Variants in MYLK observed in about 807,000 individuals in gnomAD.
The protein encoded by MYLK is myosin light chain kinase, smooth muscle.
Under a neutral mutation model 203.4 loss-of-function variants are expected in MYLK, and 106 were observed. That is an observed-to-expected ratio of 0.52 (90% CI 0.45 to 0.61). The LOEUF is 0.61. MYLK is among the 20% of genes least tolerant of loss of function. The pLI, the probability that MYLK is intolerant of heterozygous loss-of-function variation, is 0.00. For missense variants in MYLK, 2,072 were observed against 2,442.3 expected (o/e 0.85, Z 3.20); for synonymous variants, 867 against 959.5 (o/e 0.90, Z 1.78).
chr3:123,775,252 C>T (rs1195818084), intron 4 of MYLK, among the ~76,000 whole-genome samples: 2 of 152,062 alleles, frequency 1.3e-5, no homozygotes, highest in African/African-American at 2.4e-5. Context: ...CTGGTGGTCT[C>T]GAACTGCTGG....
chr3:123,797,789 A>T (rs2065042350), intron 3 of MYLK, among the ~76,000 whole-genome samples: 1 of 152,232 alleles, frequency 6.6e-6, no homozygotes, highest in Non-Finnish European at 1.5e-5. Flanking sequence ...TTTGAACGAG[A>T]GTGTATGTAA....
At chr3:123,876,495 A>T (rs1392792466) in intron 2 of MYLK, 64 bp downstream of exon 2, 1 of 152,216 alleles carries the variant, frequency 6.6e-6, no homozygotes, top group Non-Finnish European at 1.5e-5. Flanking sequence ...AAGTGATACG[A>T]ATCTTAGTGG....
chr3:123,843,518 A>C (rs1374454811), intron 2 of MYLK, among the ~76,000 whole-genome samples: 1 of 152,232 alleles, frequency 6.6e-6, no homozygotes, highest in Non-Finnish European at 1.5e-5. Flanking sequence ...CTGGCTTTAC[A>C]GAAAACTCTG....
At chr3:123,686,032 C>T (rs1242024508) in intron 19 of MYLK, among the ~76,000 whole-genome samples, 2 of 152,178 alleles carry the variant, frequency 1.3e-5, no homozygotes, top group African/African-American at 2.4e-5. Context: ...GACCTCCATG[C>T]GAACTGCAGC....
intron 4 of MYLK, among the ~76,000 whole-genome samples, chr3:123,777,659 C>G (rs937103854): frequency 6.6e-6 from 1 of 152,212 alleles, no homozygotes; most frequent in African/African-American, 2.4e-5. Context: ...AGCTTGGGAA[C>G]TGGGCTGAGG....
intron 19 of MYLK, chr3:123,692,252 C>G (rs756094123): frequency 9.7e-7 from 1 of 1,029,280 alleles, no homozygotes; most frequent in Non-Finnish European, 1.2e-6. Context: ...CTGCCCTGTC[C>G]TCTCTGTCCA....
At chr3:123,737,048 G>C (rs765601381) in intron 8 of MYLK, among the ~76,000 whole-genome samples, 4 of 151,740 alleles carry the variant, frequency 2.6e-5, no homozygotes, top group Non-Finnish European at 5.9e-5. Flanking sequence ...GTAAAACCCT[G>C]TCTCTACAAA....
chr3:123,882,977 C>A (rs2033636268), intron 1 of MYLK, among the ~76,000 whole-genome samples: 1 of 152,130 alleles, frequency 6.6e-6, no homozygotes, highest in African/African-American at 2.4e-5. Context: ...CTTGTAGGAA[C>A]CTAGTAAAGT....
At chr3:123,843,427 G>A (rs1411792097) in intron 2 of MYLK, among the ~76,000 whole-genome samples, 2 of 152,148 alleles carry the variant, frequency 1.3e-5, no homozygotes, top group Non-Finnish European at 2.9e-5. Context: ...GAGCATCCAA[G>A]CTAGGGAGCA....
At chr3:123,765,082 C>T (rs559883151) in intron 4 of MYLK, among the ~76,000 whole-genome samples, 4 of 152,228 alleles carry the variant, frequency 2.6e-5, no homozygotes, top group Admixed American at 1.3e-4. Flanking sequence ...CAAGTATGGG[C>T]AAAGACGTGG....
intron 3 of MYLK, among the ~76,000 whole-genome samples, chr3:123,803,019 G>A (rs2065248161): frequency 6.6e-6 from 1 of 152,032 alleles, no homozygotes; most frequent in African/African-American, 2.4e-5. Flanking sequence ...TGAGGTGTGA[G>A]TACTCAGGTA....
At chr3:123,739,847 G>T in intron 6 of MYLK, 106 bp downstream of exon 6, 1 of 1,256,140 alleles carries the variant, frequency 8.0e-7, no homozygotes, top group Non-Finnish European at 1.2e-6. Context: ...CCGCCCTTTG[G>T]TTATTATAAC....
At chr3:123,662,148 A>T (rs1280891162) in intron 23 of MYLK, among the ~76,000 whole-genome samples, 1 of 152,186 alleles carries the variant, frequency 6.6e-6, no homozygotes, top group Non-Finnish European at 1.5e-5. Context: ...AAAGGCTTGC[A>T]TGTCTCCCCT....
Position 123,673,321 on chromosome 3 carries a change from G to A in MYLK, c.3653-6134C>T, listed in dbSNP as rs1362538052. On this transcript the variant is annotated intron_variant, in intron 20 of 33. Coordinates refer to ENST00000360304, the MANE Select transcript of MYLK (RefSeq NM_053025.4). ...TTTTTGTAGAGACTCACTATGTTGC[G>A]CAGGCTGGTCTCAAACTCCTGAGCT... Among the ~76,000 whole-genome samples, 4 of 151,644 alleles carry A rather than the reference G, an allele frequency of 2.6e-5. No individual in the cohort carries two copies. In the South Asian group the frequency reaches 6.3e-4, roughly 24 times the overall value.
At chr3:123,762,911 C>A (rs552948322) in intron 4 of MYLK, among the ~76,000 whole-genome samples, 59 of 152,330 alleles carry the variant, frequency 3.9e-4, no homozygotes, top group Non-Finnish European at 4.3e-4. Flanking sequence ...ATTACTCGGT[C>A]TGTGGTATTT....
intron 4 of MYLK, among the ~76,000 whole-genome samples, chr3:123,774,274 C>A (rs2063984114): frequency 6.6e-6 from 1 of 152,186 alleles, no homozygotes; most frequent in Non-Finnish European, 1.5e-5. Flanking sequence ...TCCTAAGCAA[C>A]CTACAAGCAG....
chr3:123,747,848 T>C (rs1290655733), intron 5 of MYLK, among the ~76,000 whole-genome samples: 1 of 152,184 alleles, frequency 6.6e-6, no homozygotes, highest in African/African-American at 2.4e-5. Context: ...AGTGACTCTC[T>C]GGTCCTTGAA....
At chr3:123,683,112 C>T (rs2060327700) in intron 19 of MYLK, among the ~76,000 whole-genome samples, 1 of 152,122 alleles carries the variant, frequency 6.6e-6, no homozygotes, top group Admixed American at 6.5e-5. Context: ...GGGAAACCAT[C>T]CAGGAACTGG....
intron 11 of MYLK, among the ~76,000 whole-genome samples, chr3:123,726,306 A>G (rs763437288): frequency 3.3e-5 from 5 of 152,134 alleles, no homozygotes; most frequent in Non-Finnish European, 7.3e-5. Context: ...CACAGTCACA[A>G]AACACCCTAG....
Sources: gnomAD v4.1 joint callset for allele counts (sites outside exome capture counted in the v4.1 genomes callset) on GRCh38, gnomAD v4.1.1 for gene constraint, MANE v1.5 for transcripts, NCBI Gene and HGNC (gene_info 2026-07-23, HGNC 2026-07-21) for gene names.